MYT1L: variants seen among roughly 807,000 people sequenced by gnomAD.
The protein encoded by MYT1L is myelin transcription factor 1-like protein.
In MYT1L, 12 loss-of-function variants were observed where a neutral mutation model predicts 126.7. That is an observed-to-expected ratio of 0.09 (90% confidence interval 0.06 to 0.15). MYT1L has a LOEUF of 0.15. Ranked by LOEUF, MYT1L falls within the 10% of genes least tolerant of loss-of-function variation. The pLI, the probability that MYT1L is intolerant of heterozygous loss-of-function variation, is 1.00. For missense variants in MYT1L, 979 were observed against 1,585.2 expected (o/e 0.62, Z 6.49); for synonymous variants, 541 against 604.2 (o/e 0.90, Z 1.53).
chr2:1,948,446 C>T (rs2057439389), intron 8 of MYT1L, among the ~76,000 whole-genome samples: 1 of 152,232 alleles, frequency 6.6e-6, no homozygotes, highest in African/African-American at 2.4e-5. Context: ...CATTCCATTA[C>T]ATCTGTGTTC....
At chr2:1,872,460 TTGTGG>T in intron 18 of MYT1L, among the ~76,000 whole-genome samples, 2 of 152,242 alleles carry the variant, frequency 1.3e-5, no homozygotes, top group African/African-American at 4.8e-5. Flanking sequence ...AGCCATGGGC[TTGTGG>T]GCTGGTCAAC....
At chr2:2,310,944 C>T (rs1310777966) in intron 1 of MYT1L, among the ~76,000 whole-genome samples, 2 of 152,160 alleles carry the variant, frequency 1.3e-5, no homozygotes, top group African/African-American at 4.8e-5. Context: ...AACTATCCAA[C>T]CAAAGAAAAT....
At chr2:2,103,768 G>A (rs572430957) in intron 3 of MYT1L, among the ~76,000 whole-genome samples, 124 of 152,308 alleles carry the variant, frequency 8.1e-4, no homozygotes, top group African/African-American at 2.5e-3. Flanking sequence ...TCTCCTTCAC[G>A]AGAAACAACA....
chr2:2,269,691 C>A (rs2149334045), intron 2 of MYT1L, among the ~76,000 whole-genome samples: 1 of 152,274 alleles, frequency 6.6e-6, no homozygotes, highest in South Asian at 2.1e-4. Context: ...CCCCGGCAAG[C>A]CCTCACAGCT....
chr2:2,322,520 T>G (rs570742460), intron 1 of MYT1L, among the ~76,000 whole-genome samples: 116 of 151,754 alleles, frequency 7.6e-4, no homozygotes, highest in African/African-American at 2.7e-3. Context: ...CTCCACAGCC[T>G]GAGAACAAAT....
rs760953363 is a variant in MYT1L at position 1,922,542 on chromosome 2, G to A, written c.1227C>T (p.Asp409=). Reference sequence around the variant, plus strand: ...CCGAGTTCACAGAGGTGGTATCGTCGTCCCGCTCATGACACCCATCCTCCT... The same window carrying A: ...CCGAGTTCACAGAGGTGGTATCGTCATCCCGCTCATGACACCCATCCTCCT... ...CAKEDGCHER[D]DDTTSVNSDR... is the part of the protein sequence containing the mutation. Residue 409 remains aspartate (D), a synonymous_variant, in exon 10 of 25, where the codon GAC becomes GAT. Transcript: ENST00000647738. The surrounding 1 kb of genome is among the most constrained non-coding windows in gnomAD (Gnocchi z 7.4). The A allele has an allele frequency of 1.6e-5, 26 of 1,613,718 alleles. No homozygotes were observed. Among genetic ancestry groups the A allele is most frequent in the East Asian group, 1.1e-4 (5 of 44,868 alleles).
chr2:2,153,525 G>A (rs778753028), intron 3 of MYT1L, among the ~76,000 whole-genome samples: 28 of 152,178 alleles, frequency 1.8e-4, no homozygotes, highest in African/African-American at 5.1e-4. Context: ...GGGCTGATGC[G>A]GGAAGAGGAG....
chr2:2,104,557 G>A (rs551739540), intron 3 of MYT1L, among the ~76,000 whole-genome samples: 2 of 152,326 alleles, frequency 1.3e-5, no homozygotes, highest in Admixed American at 1.3e-4. Flanking sequence ...TGGCAACAGC[G>A]GCTCCAAGGC....
intron 2 of MYT1L, among the ~76,000 whole-genome samples, chr2:2,199,922 T>C (rs2092986771): frequency 1.3e-5 from 2 of 152,146 alleles, no homozygotes; most frequent in Admixed American, 6.5e-5. Context: ...CTCAGAGTGC[T>C]CCAACATTTC....
chr2:1,942,368 T>C (rs909280842), intron 9 of MYT1L, among the ~76,000 whole-genome samples: 1 of 152,158 alleles, frequency 6.6e-6, no homozygotes, highest in Non-Finnish European at 1.5e-5. Context: ...CCCTGGCATG[T>C]CTCAGAGCAC....
chr2:2,315,480 A>T (rs1034638103), intron 1 of MYT1L, among the ~76,000 whole-genome samples: 4 of 152,190 alleles, frequency 2.6e-5, no homozygotes, highest in Admixed American at 6.5e-5. Context: ...GATTATGAAG[A>T]TAATACTGGT....
intron 9 of MYT1L, among the ~76,000 whole-genome samples, chr2:1,932,559 G>C (rs1198498786): frequency 6.6e-6 from 1 of 152,164 alleles, no homozygotes. Flanking sequence ...TGGTGAAAGA[G>C]GTAAAAATAG....
chr2:1,934,004 TTG>T (rs1370757502), intron 9 of MYT1L, among the ~76,000 whole-genome samples: 13 of 145,562 alleles, frequency 8.9e-5, no homozygotes, highest in Middle Eastern at 3.5e-3. Context: ...AGATGGAGTC[TTG>T]CTCTGTCGCC....
intron 3 of MYT1L, among the ~76,000 whole-genome samples, chr2:2,148,006 C>T (rs34997485): frequency 0.045 from 6,917 of 152,254 alleles, 174 homozygotes; most frequent in Middle Eastern, 0.092. Flanking sequence ...ATAGAGAATG[C>T]TGTTGGAGGA....
chr2:2,012,810 G>A (rs115860886), intron 4 of MYT1L, among the ~76,000 whole-genome samples: 2,316 of 152,248 alleles, frequency 0.015, 52 homozygotes, highest in African/African-American at 0.049. Flanking sequence ...GAGAGCCACC[G>A]CTGTGGTACC....
intron 8 of MYT1L, among the ~76,000 whole-genome samples, chr2:1,948,608 G>A (rs145242145): frequency 3.9e-5 from 6 of 152,338 alleles, no homozygotes; most frequent in African/African-American, 7.2e-5. Flanking sequence ...TGTGAACAGC[G>A]TGTCTGCTGA....
At position 2,062,618 on chromosome 2, in the gene MYT1L, G is replaced by T. The variant is rs1314996417; in HGVS notation, c.-303-8495C>A. ...ATAATCCCACGCTTCCTATGGAAAG[G>T]TTGTTGGGAGATTTTTAATGATTCC... is the stretch of plus-strand genomic sequence containing the variant. On this transcript the variant is annotated intron_variant, in intron 3 of 24. Coordinates refer to ENST00000647738, the MANE Select transcript of MYT1L (RefSeq NM_001303052.2). 2.0e-5 allele frequency among the ~76,000 whole-genome samples: 3 copies of T among 152,174 alleles called. No homozygotes were observed. The East Asian group carries it at 5.8e-4, about 29-fold the overall frequency.
rs976787155 is a variant in MYT1L at position 1,912,754 on chromosome 2, G to A, written c.1619-644C>T. Among the ~76,000 whole-genome samples the A allele has an allele frequency of 2.1e-5, 3 of 141,590 alleles. No individual in the cohort carries two copies. Among genetic ancestry groups the A allele is most frequent in the Admixed American group, 6.7e-5 (1 of 15,002 alleles). 92.9% of individuals were successfully genotyped at this position (141,590 alleles called of 152,430 possible). A position where few individuals can be genotyped will look rare whatever the true frequency, so the allele number is the denominator to read the frequency against. ...TTTTTACCCTGTGAAATTAACAAGCGGGAGAGGCCTCTTGCATGGACACCT... is the reference window on the plus strand; with the variant it reads ...TTTTTACCCTGTGAAATTAACAAGCAGGAGAGGCCTCTTGCATGGACACCT... On this transcript the variant is annotated intron_variant, in intron 11 of 24. Coordinates refer to ENST00000647738, the MANE Select transcript of MYT1L (RefSeq NM_001303052.2). The surrounding 1 kb of genome is among the most constrained non-coding windows in gnomAD (Gnocchi z 4.3).
At chr2:2,080,708 T>C (rs2075729009) in intron 3 of MYT1L, among the ~76,000 whole-genome samples, 1 of 152,142 alleles carries the variant, frequency 6.6e-6, no homozygotes, top group African/African-American at 2.4e-5. Flanking sequence ...GAACAAATGT[T>C]GGTGAGGATG....
Sources: gnomAD v4.1 joint callset for allele counts (sites outside exome capture counted in the v4.1 genomes callset) on GRCh38, gnomAD v4.1.1 for gene constraint, Gnocchi (gnomAD v3.1) non-coding constraint, MANE v1.5 for transcripts, NCBI Gene and HGNC (gene_info 2026-07-23, HGNC 2026-07-21) for gene names.